Variants in BPTF observed in about 807,000 individuals in gnomAD.
BPTF encodes the protein nucleosome-remodeling factor subunit BPTF.
A neutral mutation model predicts 292.5 loss-of-function variants in BPTF; 18 were observed. The observed-to-expected ratio is 0.06, with a 90% confidence interval of 0.04 to 0.09. The LOEUF (loss-of-function observed/expected upper bound fraction) is 0.09. Among genes scored for constraint, BPTF ranks in the 10% least tolerant of loss-of-function variants. BPTF has a pLI of 1.00. For missense variants in BPTF, 2,726 were observed against 3,498.7 expected (o/e 0.78, Z 5.57); for synonymous variants, 1,225 against 1,251.9 (o/e 0.98, Z 0.45).
At chr17:67,910,785 G>A (rs908870207) in intron 10 of BPTF, 92 bp from the exon 11 acceptor site, 2 of 941,960 alleles carry the variant, frequency 2.1e-6, no homozygotes, top group Non-Finnish European at 2.8e-6. Context: ...GGGCAACAGA[G>A]TGAGACTCCA....
chr17:67,830,914 A>G (rs188772157), intron 1 of BPTF, among the ~76,000 whole-genome samples: 4 of 152,334 alleles, frequency 2.6e-5, no homozygotes, highest in African/African-American at 9.6e-5. Context: ...CACCATGCAC[A>G]AACATGAAAC....
At chr17:67,920,884 T>C (rs2063385047) in intron 13 of BPTF, among the ~76,000 whole-genome samples, 1 of 151,830 alleles carries the variant, frequency 6.6e-6, no homozygotes, top group Non-Finnish European at 1.5e-5. Context: ...ATATAAACAA[T>C]AAAAATATTT....
chr17:67,844,050 C>G (rs1163701464), intron 1 of BPTF, among the ~76,000 whole-genome samples: 3 of 147,512 alleles, frequency 2.0e-5, no homozygotes, highest in African/African-American at 7.5e-5. Flanking sequence ...CAGGTGTGAG[C>G]CACCGTGCCC....
chr17:67,969,527 A>G (rs1568213735), intron 26 of BPTF, among the ~76,000 whole-genome samples: 2 of 138,228 alleles, frequency 1.4e-5, no homozygotes, highest in Non-Finnish European at 1.5e-5. Context: ...GTTAAAATTC[A>G]TATCATACAG....
chr17:67,981,043 C>A (rs2070291935), intron 27 of BPTF, among the ~76,000 whole-genome samples: 1 of 152,134 alleles, frequency 6.6e-6, no homozygotes, highest in African/African-American at 2.4e-5. Flanking sequence ...CCTGTAGTCC[C>A]AGCTACCCAG....
At chr17:67,859,708 A>G (rs1264832586) in intron 2 of BPTF, among the ~76,000 whole-genome samples, 2 of 152,242 alleles carry the variant, frequency 1.3e-5, no homozygotes, top group African/African-American at 2.4e-5. Context: ...GAAAGATACT[A>G]TAATGGTTTC....
chr17:67,844,990 G>A (rs528371790), intron 1 of BPTF, among the ~76,000 whole-genome samples: 20 of 152,058 alleles, frequency 1.3e-4, no homozygotes, highest in African/African-American at 4.8e-5. Flanking sequence ...TAATCCATCC[G>A]CCTCAGCCTC....
chr17:67,912,184 G>T lies in BPTF; in HGVS notation c.4300G>T (p.Gly1434Cys). Reference sequence around the variant, plus strand: ...AATTTCTGAGAGTAGAGTAGTAAGTGGTAATGTTGAACCAAAGGTTAATAA... The same window carrying T: ...AATTTCTGAGAGTAGAGTAGTAAGTTGTAATGTTGAACCAAAGGTTAATAA... ...KEISESRVVS[G>C]NVEPKVNNIN... Residue 1434 changes from glycine (G) to cysteine (C), a missense_variant, in exon 11 of 28, where the codon GGT becomes TGT. By Grantham distance (159) the Gly-to-Cys change is radical (BLOSUM62 -3). Transcript: ENST00000306378. 4.3e-6 allele frequency: 7 copies of T among 1,611,140 alleles called. No individual in the cohort carries two copies. The highest frequency in any genetic ancestry group is 5.9e-6 in the Non-Finnish European group (7 of 1,178,512).
intron 1 of BPTF, among the ~76,000 whole-genome samples, chr17:67,828,418 A>G (rs2056324186): frequency 1.3e-5 from 2 of 152,358 alleles, no homozygotes; most frequent in South Asian, 4.1e-4. Context: ...ATTCGAAGGC[A>G]TAGCAAATAA....
intron 1 of BPTF, 151 bp from the exon 2 acceptor site, chr17:67,853,789 G>T: frequency 1.6e-6 from 1 of 621,954 alleles, no homozygotes. Flanking sequence ...TTAAAAATTA[G>T]AGCTGAATCA....
intron 5 of BPTF, 85 bp downstream of exon 5, chr17:67,892,119 T>G (rs544624890): frequency 2.1e-6 from 2 of 944,174 alleles, no homozygotes; most frequent in Non-Finnish European, 3.0e-6. Context: ...GCTGGAAATT[T>G]GTAGAAATTT....
chr17:67,901,662 A>G (rs1358244290), intron 7 of BPTF, among the ~76,000 whole-genome samples: 1 of 152,248 alleles, frequency 6.6e-6, no homozygotes, highest in Non-Finnish European at 1.5e-5. Flanking sequence ...GACATAAAAA[A>G]TGATTACTTC....
chr17:67,827,420 C>G (rs2056188382), intron 1 of BPTF, among the ~76,000 whole-genome samples: 1 of 152,124 alleles, frequency 6.6e-6, no homozygotes, highest in South Asian at 2.1e-4. Context: ...CCCCCGGCCC[C>G]CCGCAAAAGG....
intron 14 of BPTF, among the ~76,000 whole-genome samples, chr17:67,923,641 G>T (rs1466936889): frequency 6.6e-6 from 1 of 150,808 alleles, no homozygotes. Flanking sequence ...CACCATGCCC[G>T]GCTGATTTTT....
At chr17:67,846,863 G>T (rs1420493444) in intron 1 of BPTF, among the ~76,000 whole-genome samples, 1 of 152,118 alleles carries the variant, frequency 6.6e-6, no homozygotes, top group Non-Finnish European at 1.5e-5. Flanking sequence ...ACCACACCCA[G>T]CTAATTTTTG....
intron 24 of BPTF, chr17:67,963,289 C>A: frequency 6.8e-7 from 1 of 1,479,240 alleles, no homozygotes; most frequent in South Asian, 1.3e-5. Context: ...CCATGCAGCT[C>A]AAAATGACAA....
chr17:67,914,902 A>G (rs1028213491), intron 11 of BPTF, among the ~76,000 whole-genome samples: 4 of 152,202 alleles, frequency 2.6e-5, no homozygotes, highest in African/African-American at 9.7e-5. Context: ...CTTCAAATGT[A>G]TGCTAACGTC....
At chr17:67,899,547 T>C (rs1598510538) in intron 7 of BPTF, among the ~76,000 whole-genome samples, 2 of 151,822 alleles carry the variant, frequency 1.3e-5, no homozygotes, top group African/African-American at 4.8e-5. Context: ...TTTTTTTTTT[T>C]TTGAGACAGA....
intron 7 of BPTF, among the ~76,000 whole-genome samples, chr17:67,898,510 A>C (rs545272602): frequency 6.6e-6 from 1 of 151,900 alleles, no homozygotes; most frequent in Non-Finnish European, 1.5e-5. Context: ...GGGTCTCCCT[A>C]TGTTACTCAG....
Sources: gnomAD v4.1 joint callset for allele counts (sites outside exome capture counted in the v4.1 genomes callset) on GRCh38, gnomAD v4.1.1 for gene constraint, MANE v1.5 for transcripts, NCBI Gene and HGNC (gene_info 2026-07-23, HGNC 2026-07-21) for gene names.